The following SLC44A5 variants were observed in gnomAD, a reference collection of about 807,000 sequenced individuals.
SLC44A5 encodes the protein solute carrier family 44 member 5.
A neutral mutation model predicts 101.8 loss-of-function variants in SLC44A5; 57 were observed. The observed-to-expected ratio is 0.56, with a 90% CI of 0.45 to 0.70. SLC44A5 has a LOEUF of 0.70. Ranked by LOEUF, SLC44A5 falls within the 30% of genes least tolerant of loss-of-function variation. The pLI is 0.00. For missense variants in SLC44A5, 737 were observed against 853.1 expected, an observed-to-expected ratio of 0.86 and a Z score of 1.70; for synonymous variants, 281 against 290.9, an observed-to-expected ratio of 0.97 and a Z score of 0.35.
chr1:75,362,121 C>T (rs1659529836), intron 3 of SLC44A5, among the ~76,000 whole-genome samples: 3 of 151,764 alleles, frequency 2.0e-5, no homozygotes, highest in African/African-American at 7.3e-5. Context: ...TTCTTATGAT[C>T]CTTTGTGTTT....
chr1:75,296,883 G>C (rs1654007853), intron 5 of SLC44A5, among the ~76,000 whole-genome samples: 1 of 152,044 alleles, frequency 6.6e-6, no homozygotes, highest in Admixed American at 6.6e-5. Context: ...CATGATTTGG[G>C]GTGTCAGGAA....
At chr1:75,499,431 G>T (rs978814549) in intron 2 of SLC44A5, among the ~76,000 whole-genome samples, 19 of 152,316 alleles carry the variant, frequency 1.2e-4, no homozygotes, top group Admixed American at 3.3e-4. Flanking sequence ...ATGCCTGCTT[G>T]CCTGCCACTC....
chr1:75,644,975 C>T, the SLC44A5 span, among the ~76,000 whole-genome samples: 1 of 152,168 alleles, frequency 6.6e-6, no homozygotes, highest in African/African-American at 2.4e-5. Context: ...TTAATGGCTG[C>T]ATAGTATTCT....
chr1:75,269,735 G>A (rs965986544), intron 6 of SLC44A5, among the ~76,000 whole-genome samples: 4 of 151,916 alleles, frequency 2.6e-5, no homozygotes, highest in Admixed American at 6.6e-5. Flanking sequence ...CTTTCTGTCT[G>A]GTTTTATGAT....
intron 2 of SLC44A5, among the ~76,000 whole-genome samples, chr1:75,533,012 C>A (rs1670805993): frequency 6.6e-6 from 1 of 152,166 alleles, no homozygotes; most frequent in African/African-American, 2.4e-5. Flanking sequence ...TTGTTCATCG[C>A]CACAAATTGC....
the SLC44A5 span, among the ~76,000 whole-genome samples, chr1:75,714,921 G>A: frequency 6.3e-3 from 965 of 152,234 alleles, 6 homozygotes; most frequent in Admixed American, 0.011. Context: ...TGATCCACTC[G>A]CCTCAGCATC....
intron 23 of SLC44A5, 89 bp downstream of exon 23, chr1:75,211,379 A>T: frequency 1.0e-6 from 1 of 967,732 alleles, no homozygotes; most frequent in Non-Finnish European, 1.6e-6. Flanking sequence ...GTAACAGCAG[A>T]TCCCCAAGCC....
At chr1:75,524,017 A>C (rs1371876283) in intron 2 of SLC44A5, among the ~76,000 whole-genome samples, 1 of 152,246 alleles carries the variant, frequency 6.6e-6, no homozygotes, top group African/African-American at 2.4e-5. Context: ...TAACAGAAAT[A>C]CAAGTGACAT....
intron 4 of SLC44A5, among the ~76,000 whole-genome samples, chr1:75,333,512 T>C (rs1657212998): frequency 1.3e-5 from 2 of 151,344 alleles, no homozygotes; most frequent in African/African-American, 2.4e-5. Flanking sequence ...TTCCTGATAA[T>C]TACGCAAATA....
intron 2 of SLC44A5, among the ~76,000 whole-genome samples, chr1:75,403,529 C>A (rs928543962): frequency 2.0e-5 from 3 of 152,182 alleles, no homozygotes; most frequent in African/African-American, 7.2e-5. Context: ...TATTCTGCAG[C>A]CTCCTCTGGT....
intron 2 of SLC44A5, among the ~76,000 whole-genome samples, chr1:75,451,907 A>T (rs2101662903): frequency 6.6e-6 from 1 of 152,334 alleles, no homozygotes; most frequent in Admixed American, 6.5e-5. Flanking sequence ...AAGGAGAAAA[A>T]GTAAACAACC....
At chr1:75,508,830 TGA>T (rs755971344) in intron 2 of SLC44A5, among the ~76,000 whole-genome samples, 3 of 152,194 alleles carry the variant, frequency 2.0e-5, no homozygotes, top group Non-Finnish European at 4.4e-5. Context: ...TATATTAATA[TGA>T]GAGAATAATT....
intron 6 of SLC44A5, among the ~76,000 whole-genome samples, chr1:75,267,171 A>G (rs976756548): frequency 6.6e-6 from 1 of 152,154 alleles, no homozygotes; most frequent in Non-Finnish European, 1.5e-5. Context: ...AGGCCAATGC[A>G]TGCTTCTCCT....
chr1:75,664,765 C>T, the SLC44A5 span, among the ~76,000 whole-genome samples: 1 of 151,298 alleles, frequency 6.6e-6, no homozygotes, highest in Non-Finnish European at 1.5e-5. Context: ...ACTAAAAATA[C>T]AAAAAATTAG....
chr1:75,478,837 A>G (rs1010598214), intron 2 of SLC44A5, among the ~76,000 whole-genome samples: 4 of 152,226 alleles, frequency 2.6e-5, no homozygotes, highest in African/African-American at 9.6e-5. Flanking sequence ...CATTAGACAG[A>G]TCAATGAGAC....
At chr1:75,440,727 G>A (rs958430845) in intron 2 of SLC44A5, among the ~76,000 whole-genome samples, 8 of 152,024 alleles carry the variant, frequency 5.3e-5, no homozygotes, top group African/African-American at 1.9e-4. Context: ...CATGTACAAG[G>A]GTGGTAGTGT....
At chr1:75,414,472 A>C (rs976873322) in intron 2 of SLC44A5, among the ~76,000 whole-genome samples, 3 of 152,182 alleles carry the variant, frequency 2.0e-5, no homozygotes, top group Non-Finnish European at 4.4e-5. Context: ...GCTAGGCACC[A>C]GAGTTAGTAA....
intron 2 of SLC44A5, among the ~76,000 whole-genome samples, chr1:75,472,850 G>A (rs745323215): frequency 7.2e-5 from 11 of 152,210 alleles, no homozygotes; most frequent in East Asian, 3.9e-4. Flanking sequence ...GCAGACCACC[G>A]TGTCCTCTAT....
At chr1:75,448,572 T>G (rs1425860709) in intron 2 of SLC44A5, among the ~76,000 whole-genome samples, 1 of 152,186 alleles carries the variant, frequency 6.6e-6, no homozygotes, top group Non-Finnish European at 1.5e-5. Flanking sequence ...ATCCTAAATC[T>G]AATCCATCAC....
Sources: gnomAD v4.1 joint callset for allele counts (sites outside exome capture counted in the v4.1 genomes callset) on GRCh38, gnomAD v4.1.1 for gene constraint, MANE v1.5 for transcripts, NCBI Gene and HGNC (gene_info 2026-07-23, HGNC 2026-07-21) for gene names.